RHEB: variants seen among roughly 807,000 people sequenced by gnomAD.
RHEB encodes the protein Ras homolog, mTORC1 binding, also known as GTP-binding protein Rheb.
RHEB carries 2 observed loss-of-function variants against 28.8 expected under a neutral mutation model. The observed-to-expected ratio is 0.07, with a 90% CI of 0.03 to 0.22. The LOEUF (loss-of-function observed/expected upper bound fraction) is 0.22, where lower values mean the gene tolerates loss of function less well. RHEB is among the 10% of genes least tolerant of loss of function. The pLI is 1.00. For synonymous variants in RHEB, 69 were observed against 77.3 expected (o/e 0.89, Z 0.56); for missense variants, 76 against 219.9 (o/e 0.35, Z 4.14).
At chr7:151,493,211 AT>A (rs1802615910) in intron 1 of RHEB, among the ~76,000 whole-genome samples, 1 of 151,980 alleles carries the variant, frequency 6.6e-6, no homozygotes, top group South Asian at 2.1e-4. Flanking sequence ...CTCTGACCTC[AT>A]CCGCCAACAG....
At chr7:151,471,356 T>C in intron 6 of RHEB, 38 bp downstream of exon 6, 2 of 1,290,252 alleles carry the variant, frequency 1.6e-6, no homozygotes, top group Middle Eastern at 1.9e-4. Flanking sequence ...CTTCAGTGAC[T>C]AAATCATCTT....
At chr7:151,475,799 A>T (rs2150922223) in intron 4 of RHEB, among the ~76,000 whole-genome samples, 1 of 152,350 alleles carries the variant, frequency 6.6e-6, no homozygotes, top group East Asian at 1.9e-4. Context: ...TACTATTTCA[A>T]ATACTAGGTA....
chr7:151,489,048 C>T (rs146194226), intron 2 of RHEB, among the ~76,000 whole-genome samples: 11 of 152,214 alleles, frequency 7.2e-5, no homozygotes, highest in South Asian at 4.1e-4. Flanking sequence ...TCAAGTGATC[C>T]GCCTGTCTCA....
intron 3 of RHEB, among the ~76,000 whole-genome samples, chr7:151,480,825 T>C (rs1802370646): frequency 1.3e-5 from 2 of 152,092 alleles, no homozygotes; most frequent in Admixed American, 6.6e-5. Context: ...GCTGGGATTA[T>C]AGGCATGTAC....
intron 3 of RHEB, among the ~76,000 whole-genome samples, chr7:151,478,197 TACGA>T (rs1353486142): frequency 6.6e-6 from 1 of 152,200 alleles, no homozygotes; most frequent in Non-Finnish European, 1.5e-5. Context: ...CACTGTCTGG[TACGA>T]ACGTTTCATT....
Position 151,471,447 on chromosome 7 carries a change from T to C in RHEB, c.333-6A>G, listed in dbSNP as rs773747009. On this transcript the variant is annotated splice_region_variant and splice_polypyrimidine_tract_variant and intron_variant, in intron 5 of 7. Transcript: ENST00000262187. ...CAACCAACATAATAGGTATTCTATT[T>C]GTAAGAAAAAAAAGACAAACCAGTA... 8.2e-6 allele frequency: 13 copies of C among 1,580,182 alleles called. No individual in the cohort carries two copies. The South Asian group carries it at 1.2e-4, about 15-fold the overall frequency.
intron 1 of RHEB, among the ~76,000 whole-genome samples, chr7:151,495,342 G>T (rs1010390599): frequency 6.6e-6 from 1 of 152,144 alleles, no homozygotes; most frequent in African/African-American, 2.4e-5. Context: ...TGGTTTAAAA[G>T]GCAGTATCTC....
At chr7:151,477,270 C>A in intron 4 of RHEB, 63 bp downstream of exon 4, 1 of 959,902 alleles carries the variant, frequency 1.0e-6, no homozygotes, top group South Asian at 1.4e-5. Flanking sequence ...AGCACAGTCC[C>A]TTAAAAGGAT....
chr7:151,498,006 G>T, intron 1 of RHEB: 1 of 718,264 alleles, frequency 1.4e-6, no homozygotes, highest in Non-Finnish European at 2.1e-6. Context: ...TGCTGCAGTA[G>T]TTGGGTGCCA....
intron 3 of RHEB, among the ~76,000 whole-genome samples, chr7:151,479,682 C>CAAA (rs10690355): frequency 0.013 from 1,469 of 113,156 alleles, 40 homozygotes; most frequent in African/African-American, 0.046. Context: ...GACTCCGTCT[C>CAAA]AAAAAAAAAA....
At position 151,470,718 on chromosome 7, in the gene RHEB, A is replaced by G. The variant is rs1001119273; in HGVS notation, c.381-66T>C. The G allele has an allele frequency of 9.7e-6, 11 of 1,133,126 alleles. No individual in the cohort carries two copies. In the Admixed American group the frequency reaches 1.9e-4, roughly 20 times the overall value. The allele number at this position is 1,133,126 out of a possible 1,614,324, so 70.2% of individuals were successfully genotyped here. A position where few individuals can be genotyped will look rare whatever the true frequency, so the allele number is the denominator to read the frequency against. On this transcript the variant is annotated intron_variant, in intron 6 of 7. Coordinates refer to ENST00000262187, the MANE Select transcript of RHEB (RefSeq NM_005614.4). ...TCATTATATAAAACATGTATAATTGATTTATGAAACAGGCTCCATTTTGGT... is the reference window on the plus strand; with the variant it reads ...TCATTATATAAAACATGTATAATTGGTTTATGAAACAGGCTCCATTTTGGT...
At chr7:151,479,022 C>CT (rs1487346554) in intron 3 of RHEB, among the ~76,000 whole-genome samples, 1 of 151,982 alleles carries the variant, frequency 6.6e-6, no homozygotes, top group Non-Finnish European at 1.5e-5. Flanking sequence ...TTAAAGTCTA[C>CT]TTTCTGAGAA....
chr7:151,519,444 G>C lies in RHEB; in HGVS notation c.52+16C>G. On this transcript the variant is annotated intron_variant, in intron 1 of 7. Transcript: ENST00000262187. ...CCCGGCGGCGCGAGGAGGCCGCGCG[G>C]CCACCGGCCACTCACCCACAGACCG... The C allele has an allele frequency of 7.0e-7, 1 of 1,431,530 alleles. No homozygotes were observed. Among genetic ancestry groups the C allele is most frequent in the Non-Finnish European group, 9.2e-7 (1 of 1,083,860 alleles). The allele number at this position is 1,431,530 out of a possible 1,614,324, so 88.7% of individuals were successfully genotyped here. A position where few individuals can be genotyped will look rare whatever the true frequency, so the allele number is the denominator to read the frequency against.
rs185939155 is a variant in RHEB at position 151,517,292 on chromosome 7, C to T, written c.52+2168G>A. Among the ~76,000 whole-genome samples, 6 of 150,184 alleles carry T rather than the reference C, an allele frequency of 4.0e-5. No individual in the cohort carries two copies. The East Asian group carries it at 9.8e-4, about 25-fold the overall frequency. ...CTGAGGCAGGAGAATCGCTTGAGTC[C>T]GGGGCGTGGAGGATGCAGTGAGCCG... On this transcript the variant is annotated intron_variant, in intron 1 of 7. Coordinates refer to ENST00000262187, the MANE Select transcript of RHEB (RefSeq NM_005614.4).
intron 1 of RHEB, among the ~76,000 whole-genome samples, chr7:151,499,899 C>A (rs1374516918): frequency 6.6e-6 from 1 of 152,188 alleles, no homozygotes; most frequent in Non-Finnish European, 1.5e-5. Context: ...GCCTCCAACT[C>A]CTGGGCTGAA....
Position 151,472,450 on chromosome 7 carries a change from T to C in RHEB, c.276-845A>G, listed in dbSNP as rs376260839. On this transcript the variant is annotated intron_variant, in intron 4 of 7. Transcript: ENST00000262187. The surrounding 1 kb of genome is among the most constrained non-coding windows in gnomAD (Gnocchi z 5.2). ...GGTGGCCATCTTTACTCGGCCCCAG[T>C]GACTCTCAAGCCGCAAACTTCTGAC... Among the ~76,000 whole-genome samples the C allele has an allele frequency of 6.6e-6, 1 of 152,142 alleles. No homozygotes were observed. Among genetic ancestry groups the C allele is most frequent in the East Asian group, 1.9e-4 (1 of 5,188 alleles).
At chr7:151,493,264 G>A in intron 1 of RHEB, among the ~76,000 whole-genome samples, 1 of 151,870 alleles carries the variant, frequency 6.6e-6, no homozygotes, top group Admixed American at 6.6e-5. Context: ...CATCCCTTCT[G>A]CTCCTGGAGT....
intron 1 of RHEB, among the ~76,000 whole-genome samples, chr7:151,492,049 T>C (rs573641005): frequency 1.3e-5 from 2 of 152,262 alleles, no homozygotes; most frequent in East Asian, 3.9e-4. Flanking sequence ...AATGAGGAAG[T>C]GGTCTCTCCC....
intron 1 of RHEB, among the ~76,000 whole-genome samples, chr7:151,512,892 T>G (rs938550401): frequency 9.2e-5 from 14 of 152,184 alleles, no homozygotes; most frequent in African/African-American, 3.1e-4. Flanking sequence ...TTCCACAAAG[T>G]TCCCATTTGT....
Sources: allele counts gnomAD v4.1 joint callset (sites outside exome capture counted in the v4.1 genomes callset), GRCh38; gene constraint gnomAD v4.1.1; non-coding constraint Gnocchi (gnomAD v3.1); transcripts MANE v1.5; gene names NCBI Gene and HGNC (gene_info 2026-07-23, HGNC 2026-07-21).